Variants in EIF3J observed in about 807,000 individuals in gnomAD.
The protein encoded by EIF3J is eukaryotic translation initiation factor 3 subunit J, also known as eukaryotic translation initiation factor 3, subunit 1 (alpha, 35kD).
Under a neutral mutation model 39.0 loss-of-function variants are expected in EIF3J, and 15 were observed. The observed-to-expected ratio is 0.38, with a 90% CI of 0.26 to 0.59. The LOEUF is 0.59. EIF3J is among the 20% of genes least tolerant of loss of function. EIF3J has a pLI of 0.60. For synonymous variants in EIF3J, 98 were observed against 112.9 expected (o/e 0.87, Z 0.84); for missense variants, 226 against 308.6 (o/e 0.73, Z 2.00).
intron 2 of EIF3J, among the ~76,000 whole-genome samples, chr15:44,539,261 G>A (rs1225761666): frequency 9.2e-5 from 14 of 151,438 alleles, no homozygotes; most frequent in Non-Finnish European, 1.8e-4. Flanking sequence ...TCTGACCTCA[G>A]GTGATTCTCC....
Position 44,543,151 on chromosome 15 carries a change from C to A in EIF3J, c.147+5724C>A, listed in dbSNP as rs889921838. On this transcript the variant is annotated intron_variant, in intron 2 of 7. Coordinates refer to ENST00000261868, the MANE Select transcript of EIF3J (RefSeq NM_003758.4). ...ACTTTTCAGACACTTAATTTTATAA[C>A]TATGGAAACAAAAACTCTAACTTCC... is the stretch of plus-strand genomic sequence containing the variant. Among the ~76,000 whole-genome samples the A allele has an allele frequency of 6.6e-5, 10 of 152,294 alleles. No homozygotes were observed. The South Asian group carries it at 2.1e-3, about 32-fold the overall frequency.
rs746571554 is a variant in EIF3J at position 44,541,494 on chromosome 15, A to G, written c.147+4067A>G. 5.9e-5 allele frequency among the ~76,000 whole-genome samples: 9 copies of G among 152,224 alleles called. 1 individual carries two copies. The highest frequency in any genetic ancestry group is 1.0e-4 in the Non-Finnish European group (7 of 68,034). On this transcript the variant is annotated intron_variant, in intron 2 of 7. Transcript: ENST00000261868. ...GGAGTTTGAAGCCAGCCTGGGCAAC[A>G]TAGCAAGACCCCAACACATTTAAAG...
At chr15:44,544,961 G>A (rs2082042106) in intron 2 of EIF3J, among the ~76,000 whole-genome samples, 1 of 150,600 alleles carries the variant, frequency 6.6e-6, no homozygotes, top group East Asian at 1.9e-4. Flanking sequence ...CTGAGATTGC[G>A]CCACTGCACT....
chr15:44,541,488 G>A (rs1213730566), intron 2 of EIF3J, among the ~76,000 whole-genome samples: 13 of 152,140 alleles, frequency 8.5e-5, no homozygotes, highest in Admixed American at 8.5e-4. Context: ...AGCCAGCCTG[G>A]GCAACATAGC....
intron 4 of EIF3J, among the ~76,000 whole-genome samples, chr15:44,553,100 C>A (rs932027016): frequency 6.6e-6 from 1 of 151,074 alleles, no homozygotes; most frequent in Admixed American, 6.6e-5. Context: ...GTAGGAGAAT[C>A]ACTTGAGCCC....
rs1430805724 is a variant in EIF3J at position 44,562,201 on chromosome 15, C to CTTTAAAACATGAGTGATT, written c.*1054_*1071dup. 1 of 152,602 alleles carries CTTTAAAACATGAGTGATT rather than the reference C, an allele frequency of 6.6e-6. No individual in the cohort carries two copies. The highest frequency in any genetic ancestry group is 1.5e-5 in the Non-Finnish European group (1 of 68,032). 9.5% of individuals were successfully genotyped at this position (152,602 alleles called of 1,614,324 possible). On this transcript the variant is annotated 3_prime_UTR_variant, in exon 8 of 8. Coordinates refer to ENST00000261868, the MANE Select transcript of EIF3J (RefSeq NM_003758.4). ...TAATAAATGCTTGACATAGTTACAG[C>CTTTAAAACATGAGTGATT]TTTAAAACATGAGTGATTTGCCAGG...
Position 44,560,235 on chromosome 15 carries a change from C to CTT in EIF3J, c.572-5_572-4dup. ...AAAAATTCAAGTTTAATGGTATGCCCTTTTTTTTTTAAGTGGAAATTGATG... is the reference window on the plus strand; with the variant it reads ...AAAAATTCAAGTTTAATGGTATGCCCTTTTTTTTTTTTAAGTGGAAATTGATG... On this transcript the variant is annotated splice_polypyrimidine_tract_variant and intron_variant, in intron 6 of 7. Coordinates refer to ENST00000261868, the MANE Select transcript of EIF3J (RefSeq NM_003758.4). 2.2e-6 allele frequency: 3 copies of CTT among 1,337,322 alleles called. No individual in the cohort carries two copies. The highest frequency in any genetic ancestry group is 3.1e-6 in the Non-Finnish European group (3 of 982,622). 82.8% of individuals were successfully genotyped at this position (1,337,322 alleles called of 1,614,324 possible).
intron 2 of EIF3J, among the ~76,000 whole-genome samples, chr15:44,538,244 C>T (rs2081977386): frequency 6.7e-6 from 1 of 150,152 alleles, no homozygotes; most frequent in Non-Finnish European, 1.5e-5. Flanking sequence ...TTGAAAACTC[C>T]GAAGGGTTCA....
At chr15:44,539,482 A>C in intron 2 of EIF3J, among the ~76,000 whole-genome samples, 1 of 148,692 alleles carries the variant, frequency 6.7e-6, no homozygotes, top group Non-Finnish European at 1.5e-5. Context: ...ATCTCCGCTC[A>C]CTGCAAGCTC....
chr15:44,543,922 A>G (rs1010804540), intron 2 of EIF3J, among the ~76,000 whole-genome samples: 1 of 151,930 alleles, frequency 6.6e-6, no homozygotes, highest in Non-Finnish European at 1.5e-5. Flanking sequence ...TTTTTCTGGG[A>G]AGGGTAACTG....
intron 2 of EIF3J, among the ~76,000 whole-genome samples, chr15:44,538,943 A>G (rs1033341970): frequency 1.3e-5 from 2 of 152,232 alleles, no homozygotes; most frequent in African/African-American, 4.8e-5. Context: ...ATGAAGTTTT[A>G]ATGGATAGTC....
At chr15:44,541,725 G>A (rs1452419410) in intron 2 of EIF3J, among the ~76,000 whole-genome samples, 2 of 152,222 alleles carry the variant, frequency 1.3e-5, no homozygotes, top group African/African-American at 4.8e-5. Context: ...CATTTTGCCA[G>A]AAAATGGGTA....
chr15:44,554,587 CAGA>C lies in EIF3J; in HGVS notation c.334_336del (p.Glu112del). On this transcript the variant is annotated inframe_deletion, in exon 5 of 8. Transcript: ENST00000261868. ...CCCGAAGAACCTAAAGTGCTAACACCAGAAGAACAATTAGCAGATAAACTGCGG... is the reference window on the plus strand; with the variant it reads ...CCCGAAGAACCTAAAGTGCTAACACCAGAACAATTAGCAGATAAACTGCGG... 1 of 1,611,992 alleles carries C rather than the reference CAGA, an allele frequency of 6.2e-7. No homozygotes were observed. Among genetic ancestry groups the C allele is most frequent in the South Asian group, 1.1e-5 (1 of 90,440 alleles).
In EIF3J at chr15:44,537,339, C is replaced by A; in HGVS notation, c.59C>A (p.Ser20Tyr). 1.3e-6 allele frequency: 2 copies of A among 1,565,182 alleles called. No individual in the cohort carries two copies. The highest frequency in any genetic ancestry group is 1.7e-6 in the Non-Finnish European group (2 of 1,154,950). Residue 20 changes from serine to tyrosine, a missense_variant, in exon 2 of 8, where the codon TCC becomes TAC. Transcript: ENST00000261868. ...TCTTCCGTAGACGCCGACGCTTTCTCCGTGGAAGACCCAGTGCGGAAGGTG... is the reference window on the plus strand; with the variant it reads ...TCTTCCGTAGACGCCGACGCTTTCTACGTGGAAGACCCAGTGCGGAAGGTG... ...DSDSWDADAF[S>Y]VEDPVRKVGG... is the part of the protein sequence containing the mutation.
chr15:44,539,007 G>A (rs927995918), intron 2 of EIF3J, among the ~76,000 whole-genome samples: 1 of 151,760 alleles, frequency 6.6e-6, no homozygotes, highest in African/African-American at 2.4e-5. Flanking sequence ...AAATGGTATC[G>A]ATCTTGATGA....
At chr15:44,540,228 C>T (rs1352477232) in intron 2 of EIF3J, among the ~76,000 whole-genome samples, 3 of 137,220 alleles carry the variant, frequency 2.2e-5, no homozygotes, top group Non-Finnish European at 4.6e-5. Flanking sequence ...TGAGCCACCG[C>T]GCCTGGCTAT....
chr15:44,550,012 A>G (rs151291132), intron 2 of EIF3J, among the ~76,000 whole-genome samples: 2,982 of 152,082 alleles, frequency 0.02, 42 homozygotes, highest in Middle Eastern at 0.058. Flanking sequence ...ATGCATAGCA[A>G]TTCATGGGGA....
chr15:44,542,762 A>C (rs1328967015), intron 2 of EIF3J, among the ~76,000 whole-genome samples: 5 of 152,246 alleles, frequency 3.3e-5, no homozygotes, highest in Non-Finnish European at 5.9e-5. Flanking sequence ...GAGTATAGAT[A>C]AGCAAGTAGT....
rs775127043 is a variant in EIF3J at position 44,561,183 on chromosome 15, G to A, written c.*34G>A. 1.3e-6 allele frequency: 2 copies of A among 1,595,600 alleles called. No individual in the cohort carries two copies. The highest frequency in any genetic ancestry group is 1.7e-6 in the Non-Finnish European group (2 of 1,173,418). ...CTTTTCTTGGTGTCATCTTTATGTT[G>A]CCCACAATCCCTTGAACATGTAGCA... On this transcript the variant is annotated 3_prime_UTR_variant, in exon 8 of 8. Coordinates refer to ENST00000261868, the MANE Select transcript of EIF3J (RefSeq NM_003758.4).
Sources: gnomAD v4.1 joint callset for allele counts (sites outside exome capture counted in the v4.1 genomes callset) on GRCh38, gnomAD v4.1.1 for gene constraint, MANE v1.5 for transcripts, NCBI Gene and HGNC (gene_info 2026-07-23, HGNC 2026-07-21) for gene names.